Variants in ZNF717 observed in about 807,000 individuals in gnomAD.
ZNF717 encodes zinc finger protein 717.
Under a neutral mutation model 13.8 loss-of-function variants are expected in ZNF717, and 9 were observed. The observed-to-expected ratio is 0.65, with a 90% CI of 0.39 to 1.14. The LOEUF (loss-of-function observed/expected upper bound fraction) is 1.14, where lower values mean the gene tolerates loss of function less well. Among genes scored for constraint, ZNF717 ranks in the 50% most tolerant of loss-of-function variants. The pLI is 0.01. For synonymous variants in ZNF717, 327 were observed against 364.1 expected (o/e 0.90, Z 1.16); for missense variants, 1,040 against 1,080.7 (o/e 0.96, Z 0.53).
chr3:75,714,931 C>T (rs2918468), intron 5 of ZNF717, among the ~76,000 whole-genome samples: 63,121 of 152,032 alleles, frequency 0.42, 13,541 homozygotes, highest in South Asian at 0.61. Flanking sequence ...TGCACAAACA[C>T]ATCTGACCAC....
chr3:75,714,129 A>G (rs1938001602), intron 5 of ZNF717, among the ~76,000 whole-genome samples: 1 of 152,166 alleles, frequency 6.6e-6, no homozygotes, highest in Admixed American at 6.5e-5. Context: ...ACAGTATCAC[A>G]GGGAGATGGT....
intron 2 of ZNF717, among the ~76,000 whole-genome samples, chr3:75,771,026 A>T (rs997909436): frequency 3.3e-5 from 5 of 152,204 alleles, no homozygotes; most frequent in African/African-American, 1.2e-4. Flanking sequence ...GGACTCTGTA[A>T]TTCTAGATTT....
chr3:75,707,403 T>C (rs1379299675), downstream of ZNF717, among the ~76,000 whole-genome samples: 1 of 152,290 alleles, frequency 6.6e-6, no homozygotes, highest in East Asian at 1.9e-4. Flanking sequence ...TACACCTCAT[T>C]GTCCCCAATA....
At chr3:75,713,963 G>C (rs1400776026) in intron 5 of ZNF717, among the ~76,000 whole-genome samples, 1 of 152,122 alleles carries the variant, frequency 6.6e-6, no homozygotes, top group Non-Finnish European at 1.5e-5. Context: ...AGCTGAGGTG[G>C]GGAGAGAGAG....
intron 4 of ZNF717, among the ~76,000 whole-genome samples, chr3:75,740,422 C>T (rs534882984): frequency 2.0e-3 from 297 of 152,124 alleles, no homozygotes; most frequent in Admixed American, 4.0e-3. Flanking sequence ...CCTTCCGAGA[C>T]AGGATCTTAC....
At chr3:75,715,926 C>T (rs1481398187) in intron 5 of ZNF717, among the ~76,000 whole-genome samples, 22 of 151,870 alleles carry the variant, frequency 1.4e-4, no homozygotes, top group Non-Finnish European at 2.4e-4. Context: ...GAAAACCTAG[C>T]ATGCCTTAAT....
downstream of ZNF717, among the ~76,000 whole-genome samples, chr3:75,707,838 A>G (rs1937837631): frequency 6.6e-6 from 1 of 152,232 alleles, no homozygotes; most frequent in Non-Finnish European, 1.5e-5. Flanking sequence ...ACACCCACGG[A>G]GTCCCGCTGA....
At chr3:75,778,609 C>CA (rs1944531316) in intron 2 of ZNF717, among the ~76,000 whole-genome samples, 1 of 151,758 alleles carries the variant, frequency 6.6e-6, no homozygotes, top group Non-Finnish European at 1.5e-5. Flanking sequence ...AACCAGAAAC[C>CA]AAAAACAATG....
chr3:75,725,519 C>CA (rs1419485295), downstream of ZNF717, among the ~76,000 whole-genome samples: 1 of 152,254 alleles, frequency 6.6e-6, no homozygotes, highest in South Asian at 2.1e-4. Context: ...ACCTTCCTGT[C>CA]AAACTCATAA....
At chr3:75,763,267 G>C (rs72896649) in intron 2 of ZNF717, among the ~76,000 whole-genome samples, 2,585 of 152,276 alleles carry the variant, frequency 0.017, 71 homozygotes, top group African/African-American at 0.059. Flanking sequence ...AATACCAGTT[G>C]AGCGTCCCTT....
intron 4 of ZNF717, among the ~76,000 whole-genome samples, chr3:75,720,780 C>G (rs1283177894): frequency 6.6e-6 from 1 of 152,138 alleles, no homozygotes; most frequent in Non-Finnish European, 1.5e-5. Flanking sequence ...GCCAGGAGTT[C>G]AAGGCCAGCC....
chr3:75,717,116 G>C (rs1938070926), intron 4 of ZNF717, among the ~76,000 whole-genome samples: 1 of 133,678 alleles, frequency 7.5e-6, no homozygotes, highest in Non-Finnish European at 1.7e-5. Context: ...AATGGAGAAG[G>C]CTTTTTTTGC....
At chr3:75,708,096 A>G (rs1221602863), downstream of ZNF717, among the ~76,000 whole-genome samples, 5 of 152,254 alleles carry the variant, frequency 3.3e-5, no homozygotes, top group Non-Finnish European at 7.3e-5. Context: ...AGCTTTGAAG[A>G]GAGCAGTGGT....
intron 5 of ZNF717, among the ~76,000 whole-genome samples, chr3:75,715,193 T>A (rs1263315841): frequency 6.6e-6 from 1 of 152,064 alleles, no homozygotes; most frequent in African/African-American, 2.4e-5. Flanking sequence ...AAGTTTCAAA[T>A]GAGTTTAGGG....
intron 2 of ZNF717, among the ~76,000 whole-genome samples, chr3:75,757,690 T>C (rs530282180): frequency 6.6e-6 from 1 of 152,204 alleles, no homozygotes; most frequent in African/African-American, 2.4e-5. Context: ...CATAAAGCTA[T>C]AGCTTGTCTA....
intron 6 of ZNF717, among the ~76,000 whole-genome samples, chr3:75,700,553 G>A (rs1937672715): frequency 6.6e-6 from 1 of 152,294 alleles, no homozygotes; most frequent in South Asian, 2.1e-4. Context: ...CTAAGTTATG[G>A]TAATTAAAAC....
At chr3:75,771,888 T>C (rs1303855251) in intron 2 of ZNF717, among the ~76,000 whole-genome samples, 1 of 152,210 alleles carries the variant, frequency 6.6e-6, no homozygotes, top group Non-Finnish European at 1.5e-5. Context: ...GTCTCTCTGC[T>C]CCCAGAGCCC....
At chr3:75,717,108 T>C (rs77667270) in intron 4 of ZNF717, among the ~76,000 whole-genome samples, 25 of 152,178 alleles carry the variant, frequency 1.6e-4, no homozygotes, top group African/African-American at 5.3e-4. Context: ...CTCTAAAGAA[T>C]GGAGAAGGCT....
intron 2 of ZNF717, among the ~76,000 whole-genome samples, chr3:75,746,496 T>C (rs7427635): frequency 0.74 from 112,483 of 152,090 alleles, 42,079 homozygotes; most frequent in East Asian, 0.8. Flanking sequence ...ACAATCCCAC[T>C]AACAGTGTAA....
Sources: allele counts gnomAD v4.1 joint callset (sites outside exome capture counted in the v4.1 genomes callset), GRCh38; gene constraint gnomAD v4.1.1; transcripts MANE v1.5; gene names NCBI Gene and HGNC (gene_info 2026-07-23, HGNC 2026-07-21).